Variants in C10orf143 observed in about 807,000 individuals in gnomAD.
C10orf143 encodes uncharacterized protein C10orf143.
At chr10:130,054,524 T>G (rs1457494431) in intron 3 of C10orf143, among the ~76,000 whole-genome samples, 2 of 152,252 alleles carry the variant, frequency 1.3e-5, no homozygotes, top group Non-Finnish European at 2.9e-5. Context: ...AGAATTCTTT[T>G]GGATACATAC....
intron 1 of C10orf143, among the ~76,000 whole-genome samples, chr10:130,099,402 T>A (rs1413997088): frequency 6.6e-6 from 1 of 152,200 alleles, no homozygotes; most frequent in African/African-American, 2.4e-5. Context: ...CATCAGCTGG[T>A]TATTTACTAG....
At chr10:130,074,805 T>A (rs1345170482) in intron 3 of C10orf143, among the ~76,000 whole-genome samples, 1 of 152,184 alleles carries the variant, frequency 6.6e-6, no homozygotes, top group Non-Finnish European at 1.5e-5. Context: ...AGAATCAGAA[T>A]AATCATACTT....
rs1860921400 is a variant in C10orf143, at chr10:130,065,730, T to C, written c.298-1347A>G. On this transcript the variant is annotated intron_variant, in intron 3 of 3. Coordinates refer to ENST00000637128, the MANE Select transcript of C10orf143 (RefSeq NM_001355042.2). The surrounding 1 kb of genome is among the most constrained non-coding windows in gnomAD (Gnocchi z 4.2). ...GAGGTCTTTCACAGTCTAATGGACATCAAGTCTCTAAAAGGCAGGGGAAAG... is the reference window on the plus strand; with the variant it reads ...GAGGTCTTTCACAGTCTAATGGACACCAAGTCTCTAAAAGGCAGGGGAAAG... The C allele has an allele frequency of 6.6e-6, 1 of 152,256 alleles. No homozygotes were observed. Among genetic ancestry groups the C allele is most frequent in the African/African-American group, 2.4e-5 (1 of 41,454 alleles). 9.4% of individuals were successfully genotyped at this position (152,256 alleles called of 1,614,324 possible).
intron 1 of C10orf143, among the ~76,000 whole-genome samples, chr10:130,101,641 C>T (rs1332491784): frequency 2.6e-5 from 4 of 151,366 alleles, no homozygotes; most frequent in Non-Finnish European, 5.9e-5. Context: ...TGGAGGCGGG[C>T]GCATCATGAG....
rs1211268426 is a variant in C10orf143, at chr10:130,110,800, A to C, written c.-28T>G. The C allele has an allele frequency of 2.5e-6, 1 of 398,846 alleles. No individual in the cohort carries two copies. The highest frequency in any genetic ancestry group is 4.4e-6 in the Non-Finnish European group (1 of 226,106). 24.7% of individuals were successfully genotyped at this position (398,846 alleles called of 1,614,324 possible). A position where few individuals can be genotyped will look rare whatever the true frequency, so the allele number is the denominator to read the frequency against. ...AGCCCCAGGGTCAAACCCTCCCGGC[A>C]TCTCAGGCCTGGCCGAGGCCCGCGC... On this transcript the variant is annotated 5_prime_UTR_variant, in exon 1 of 4. An upstream start codon of the reference 5' UTR is lost. Coordinates refer to ENST00000637128, the MANE Select transcript of C10orf143 (RefSeq NM_001355042.2).
At chr10:130,048,709 AT>A (rs904810001) in intron 3 of C10orf143, among the ~76,000 whole-genome samples, 19 of 152,254 alleles carry the variant, frequency 1.2e-4, no homozygotes, top group African/African-American at 3.4e-4. Context: ...CTTGAGAGAC[AT>A]CTTCTTTTTA....
intron 3 of C10orf143, among the ~76,000 whole-genome samples, chr10:130,046,021 G>A (rs796303422): frequency 1.4e-4 from 21 of 151,660 alleles, no homozygotes; most frequent in African/African-American, 5.1e-4. Flanking sequence ...CGTGGGGCAC[G>A]TGGCACAGAG....
chr10:130,043,852 C>T (rs554405583), intron 3 of C10orf143, among the ~76,000 whole-genome samples: 3 of 152,334 alleles, frequency 2.0e-5, no homozygotes, highest in South Asian at 4.1e-4. Context: ...TGTGGAGCTC[C>T]GCCTCTTGCA....
chr10:130,047,269 C>T (rs184794163), intron 3 of C10orf143, among the ~76,000 whole-genome samples: 1 of 152,316 alleles, frequency 6.6e-6, no homozygotes, highest in African/African-American at 2.4e-5. Flanking sequence ...ATGAAGTTTC[C>T]ATGGAGTAAA....
intron 1 of C10orf143, among the ~76,000 whole-genome samples, chr10:130,090,278 G>C (rs1327815679): frequency 6.6e-6 from 1 of 152,168 alleles, no homozygotes; most frequent in African/African-American, 2.4e-5. Context: ...CTGAAGCAGG[G>C]TGGGGCATCG....
downstream of C10orf143, among the ~76,000 whole-genome samples, chr10:130,059,488 C>T (rs748913775): frequency 3.3e-4 from 51 of 152,268 alleles, no homozygotes; most frequent in Admixed American, 3.9e-4. Flanking sequence ...AAGACACACA[C>T]GGCCAGTAAG....
Position 130,079,750 on chromosome 10 carries a change from C to T in C10orf143, c.221G>A (p.Arg74Lys). The T allele has an allele frequency of 2.5e-6, 1 of 398,662 alleles. No homozygotes were observed. Among genetic ancestry groups the T allele is most frequent in the Non-Finnish European group, 4.4e-6 (1 of 226,080 alleles). 24.7% of individuals were successfully genotyped at this position (398,662 alleles called of 1,614,324 possible). A position where few individuals can be genotyped will look rare whatever the true frequency, so the allele number is the denominator to read the frequency against. Residue 74 changes from arginine (R) to lysine (K), a missense_variant, in exon 2 of 4, where the codon AGG (arginine) becomes AAG (lysine). Physicochemically the swap from Arg to Lys is conservative, Grantham distance 26 (BLOSUM62 2). Coordinates refer to ENST00000637128, the MANE Select transcript of C10orf143 (RefSeq NM_001355042.2). Reference sequence around the variant, plus strand: ...AGAGGAACATACCCCTGTACTTAGCCTCCCCTGGCCACTCTCTGGCCTTGG... The same window carrying T: ...AGAGGAACATACCCCTGTACTTAGCTTCCCCTGGCCACTCTCTGGCCTTGG... The part of the protein sequence containing the change: ...PAPRPESGQG[R>K]LSTGISQNGG...
At chr10:130,109,773 A>C (rs986139414) in intron 1 of C10orf143, among the ~76,000 whole-genome samples, 1 of 152,090 alleles carries the variant, frequency 6.6e-6, no homozygotes, top group African/African-American at 2.4e-5. Context: ...GCTACGCAGT[A>C]AAGACATCTA....
rs143958806 is a variant in C10orf143, at chr10:130,041,441, A to T, written c.298-5471T>A. 2.5e-3 allele frequency among the ~76,000 whole-genome samples: 376 copies of T among 152,294 alleles called. 2 individuals are homozygous for T. Among genetic ancestry groups the T allele is most frequent in the African/African-American group, 8.1e-3 (335 of 41,558 alleles). On this transcript the variant is annotated intron_variant and NMD_transcript_variant, in intron 3 of 5. Transcript: ENST00000643056. ...GTTTTGCCAAATTTCTTCCACAATG[A>T]TTGAAACTCTTTTTTCATTGCTACC...
intron 1 of C10orf143, chr10:130,107,578 C>A (rs760065696): frequency 5.2e-6 from 7 of 1,346,868 alleles, no homozygotes; most frequent in Non-Finnish European, 6.4e-6. Context: ...CAGCATTTGG[C>A]AGAGAGCATT....
Position 130,092,012 on chromosome 10 carries a change from C to A in C10orf143, c.70-12111G>T, listed in dbSNP as rs181626104. ...CTCTTCAGGATATTATCCAGAAAAACTTACCCAACCTAGCAAGACAGGACA... is the reference window on the plus strand; with the variant it reads ...CTCTTCAGGATATTATCCAGAAAAAATTACCCAACCTAGCAAGACAGGACA... On this transcript the variant is annotated intron_variant, in intron 1 of 3. Transcript: ENST00000637128. Among the ~76,000 whole-genome samples, 468 of 152,286 alleles carry A rather than the reference C, an allele frequency of 3.1e-3. 1 individual carries two copies. Among genetic ancestry groups the A allele is most frequent in the African/African-American group, 0.011 (439 of 41,546 alleles).
chr10:130,044,283 G>T (rs879658102), intron 3 of C10orf143, among the ~76,000 whole-genome samples: 1 of 152,188 alleles, frequency 6.6e-6, no homozygotes, highest in Non-Finnish European at 1.5e-5. Flanking sequence ...GCCGAGCTGG[G>T]AACTGGAGGT....
intron 1 of C10orf143, among the ~76,000 whole-genome samples, chr10:130,096,154 A>T (rs942161538): frequency 6.6e-6 from 1 of 152,228 alleles, no homozygotes; most frequent in Non-Finnish European, 1.5e-5. Flanking sequence ...GACACCTCTG[A>T]AAAGAAGACA....
intron 3 of C10orf143, among the ~76,000 whole-genome samples, chr10:130,039,847 G>A (rs923586467): frequency 6.6e-6 from 1 of 152,138 alleles, no homozygotes; most frequent in Non-Finnish European, 1.5e-5. Flanking sequence ...AAAGCACAGT[G>A]GGTGACTACC....
Sources: allele counts gnomAD v4.1 joint callset (sites outside exome capture counted in the v4.1 genomes callset), GRCh38; gene constraint gnomAD v4.1.1; non-coding constraint Gnocchi (gnomAD v3.1); transcripts MANE v1.5; gene names NCBI Gene and HGNC (gene_info 2026-07-23, HGNC 2026-07-21).